Variants in GRID2 observed in about 807,000 individuals in gnomAD.
GRID2 encodes glutamate ionotropic receptor delta type subunit 2, also known as glutamate receptor ionotropic, delta-2.
A neutral mutation model predicts 114.8 loss-of-function variants in GRID2; 33 were observed. The ratio of observed to expected loss-of-function variants is 0.29; its 90% confidence interval spans 0.22 to 0.38. The LOEUF (loss-of-function observed/expected upper bound fraction) is 0.38. GRID2 is among the 10% of genes least tolerant of loss of function. The pLI is 1.00. For synonymous variants in GRID2, 505 were observed against 449.9 expected (o/e 1.12, Z -1.55); for missense variants, 1,184 against 1,257.7 (o/e 0.94, Z 0.89).
At chr4:93,657,786 G>A (rs890081649) in intron 14 of GRID2, among the ~76,000 whole-genome samples, 2 of 152,148 alleles carry the variant, frequency 1.3e-5, no homozygotes, top group Non-Finnish European at 2.9e-5. Context: ...GCCTCTCCTT[G>A]GGGGACTGTC....
At chr4:92,892,054 T>G (rs1276346348) in intron 2 of GRID2, among the ~76,000 whole-genome samples, 4 of 149,232 alleles carry the variant, frequency 2.7e-5, no homozygotes, top group Non-Finnish European at 1.5e-5. Context: ...AATAGCTGGT[T>G]TTTTTTTTTG....
intron 2 of GRID2, among the ~76,000 whole-genome samples, chr4:93,027,520 T>C (rs1165925879): frequency 1.3e-5 from 2 of 152,134 alleles, no homozygotes; most frequent in Non-Finnish European, 2.9e-5. Context: ...CAGACAAGTT[T>C]TATTAATCTT....
rs557409406 is a variant in GRID2 at position 93,215,225 on chromosome 4, C to CAA, written c.790-1505_790-1504dup. Among the ~76,000 whole-genome samples the CAA allele has an allele frequency of 4.1e-3, 599 of 147,636 alleles. 3 individuals carry two copies. Among genetic ancestry groups the CAA allele is most frequent in the African/African-American group, 0.014 (557 of 40,468 alleles). The stretch of plus-strand genomic sequence containing the variant: ...TTGATAAATCTTAGTATTGCTAAAG[C>CAA]AAAAAAAAATACCATATACATAAAA... On this transcript the variant is annotated intron_variant, in intron 5 of 15. Transcript: ENST00000282020.
At chr4:92,944,872 A>G (rs1419321436) in intron 2 of GRID2, among the ~76,000 whole-genome samples, 13 of 152,148 alleles carry the variant, frequency 8.5e-5, no homozygotes, top group Admixed American at 8.5e-4. Context: ...AACCTTATAT[A>G]TTTTAAATGT....
intron 2 of GRID2, among the ~76,000 whole-genome samples, chr4:92,681,408 T>G (rs1733644061): frequency 6.6e-6 from 1 of 152,188 alleles, no homozygotes; most frequent in East Asian, 1.9e-4. Context: ...ATGTGGTGTT[T>G]GGTTTTTTGT....
intron 3 of GRID2, among the ~76,000 whole-genome samples, chr4:93,103,766 A>T (rs148924847): frequency 1.3e-5 from 2 of 152,200 alleles, no homozygotes; most frequent in Non-Finnish European, 2.9e-5. Flanking sequence ...TCTGTAACAC[A>T]AAGAAGGTTA....
At chr4:93,679,385 C>G (rs1293935314) in intron 14 of GRID2, among the ~76,000 whole-genome samples, 1 of 150,828 alleles carries the variant, frequency 6.6e-6, no homozygotes, top group Non-Finnish European at 1.5e-5. Context: ...AGAAAGTTAA[C>G]AAGGATACCC....
At chr4:93,360,896 CTT>C (rs1284427993) in intron 8 of GRID2, among the ~76,000 whole-genome samples, 1 of 151,482 alleles carries the variant, frequency 6.6e-6, no homozygotes, top group Non-Finnish European at 1.5e-5. Context: ...GTCTATATTT[CTT>C]TGTTTTTCTT....
rs562119680 is a variant in GRID2 at position 92,698,298 on chromosome 4, A to G, written c.244+108012A>G. Among the ~76,000 whole-genome samples, 3 of 152,258 alleles carry G rather than the reference A, an allele frequency of 2.0e-5. No individual in the cohort carries two copies. In the South Asian group the frequency reaches 6.2e-4, roughly 32 times the overall value. Reference sequence around the variant, plus strand: ...ATTTTCACAGAAATGGTAAAGAAGTAAAGTCCACTAAAGCAGCTCTCTTGA... The same window carrying G: ...ATTTTCACAGAAATGGTAAAGAAGTGAAGTCCACTAAAGCAGCTCTCTTGA... On this transcript the variant is annotated intron_variant, in intron 2 of 15. Coordinates refer to ENST00000282020, the MANE Select transcript of GRID2 (RefSeq NM_001510.4).
At chr4:92,709,749 G>C (rs2149308399) in intron 2 of GRID2, among the ~76,000 whole-genome samples, 1 of 151,888 alleles carries the variant, frequency 6.6e-6, no homozygotes, top group South Asian at 2.1e-4. Flanking sequence ...TCTGACTGTA[G>C]AGTGATAACG....
At chr4:93,762,821 G>A (rs531611495) in intron 14 of GRID2, among the ~76,000 whole-genome samples, 80 of 152,180 alleles carry the variant, frequency 5.3e-4, no homozygotes, top group African/African-American at 1.6e-3. Flanking sequence ...TGCCTCGCAT[G>A]CGGGGTTAGA....
chr4:92,664,226 A>G (rs1303800612), intron 2 of GRID2, among the ~76,000 whole-genome samples: 1 of 151,222 alleles, frequency 6.6e-6, no homozygotes, highest in Non-Finnish European at 1.5e-5. Context: ...ATGTATCTCA[A>G]AATTTTCTTC....
intron 1 of GRID2, among the ~76,000 whole-genome samples, chr4:92,327,537 A>G (rs1293073838): frequency 1.3e-5 from 2 of 152,012 alleles, no homozygotes; most frequent in Non-Finnish European, 2.9e-5. Flanking sequence ...TTAGTTAGCC[A>G]TGATTCCTTG....
chr4:92,552,819 G>A (rs1213546148), intron 1 of GRID2, among the ~76,000 whole-genome samples: 5 of 152,156 alleles, frequency 3.3e-5, no homozygotes, highest in Non-Finnish European at 7.3e-5. Context: ...AACAAGCAAA[G>A]CAAGTCTCTT....
At chr4:93,508,191 T>G (rs11731130) in intron 12 of GRID2, among the ~76,000 whole-genome samples, 12,049 of 137,936 alleles carry the variant, frequency 0.087, 744 homozygotes, top group Non-Finnish European at 0.12. Context: ...ATTTTTTATT[T>G]TGTTTTTGAT....
rs184470450 is a variant in GRID2 at position 92,559,489 on chromosome 4, A to G, written c.89-30642A>G. Reference sequence around the variant, plus strand: ...TTTGAGCATGATGTTGGTGCTCAGAAAGTTTCAGATTTTGGAACATTTTGG... The same window carrying G: ...TTTGAGCATGATGTTGGTGCTCAGAGAGTTTCAGATTTTGGAACATTTTGG... On this transcript the variant is annotated intron_variant, in intron 1 of 15. Coordinates refer to ENST00000282020, the MANE Select transcript of GRID2 (RefSeq NM_001510.4). Among the ~76,000 whole-genome samples the G allele has an allele frequency of 2.6e-5, 4 of 152,248 alleles. No homozygotes were observed. The East Asian group carries it at 7.7e-4, about 29-fold the overall frequency.
intron 1 of GRID2, among the ~76,000 whole-genome samples, chr4:93,806,363 T>A (rs139083252): frequency 5.9e-5 from 9 of 152,310 alleles, no homozygotes; most frequent in African/African-American, 1.7e-4. Context: ...TGACTCTCCA[T>A]GTGAGAGCGA....
intron 2 of GRID2, among the ~76,000 whole-genome samples, chr4:92,834,292 A>G (rs943833691): frequency 2.4e-4 from 37 of 152,118 alleles, no homozygotes; most frequent in African/African-American, 8.9e-4. Flanking sequence ...TGTCTAAGGA[A>G]TTTCATTTCA....
rs774865530 is a variant in GRID2 at position 93,418,863 on chromosome 4, T to A, written c.1348-3908T>A. On this transcript the variant is annotated intron_variant, in intron 9 of 15. Transcript: ENST00000282020. ...CCTCCATCAGGGTACCACCATAAATTGTGTTAAAATTTGAGATTAAACTAT... is the reference window on the plus strand; with the variant it reads ...CCTCCATCAGGGTACCACCATAAATAGTGTTAAAATTTGAGATTAAACTAT... 4.1e-4 allele frequency among the ~76,000 whole-genome samples: 63 copies of A among 152,092 alleles called. 1 individual carries two copies. Among genetic ancestry groups the A allele is most frequent in the South Asian group, 4.1e-4 (2 of 4,828 alleles).
Sources: allele counts gnomAD v4.1 joint callset (sites outside exome capture counted in the v4.1 genomes callset), GRCh38; gene constraint gnomAD v4.1.1; transcripts MANE v1.5; gene names NCBI Gene and HGNC (gene_info 2026-07-23, HGNC 2026-07-21).